CCDC85A: variants seen among roughly 807,000 people sequenced by gnomAD.
CCDC85A encodes coiled-coil domain-containing protein 85A.
In CCDC85A, 38 loss-of-function variants were observed where a neutral mutation model predicts 50.2. The observed-to-expected ratio is 0.76, with a 90% CI of 0.58 to 0.99. The LOEUF is 0.99. CCDC85A is among the 50% of genes least tolerant of loss of function. CCDC85A has a pLI of 0.00. For missense variants in CCDC85A, 820 were observed against 742.0 expected (o/e 1.11, Z -1.22); for synonymous variants, 366 against 301.4 (o/e 1.21, Z -2.22).
intron 2 of CCDC85A, among the ~76,000 whole-genome samples, chr2:56,224,150 A>G (rs1668447352): frequency 6.6e-6 from 1 of 152,138 alleles, no homozygotes; most frequent in African/African-American, 2.4e-5. Context: ...CAAAGAAACA[A>G]CTAGTCTACT....
At chr2:56,297,781 C>T (rs143450161) in intron 2 of CCDC85A, among the ~76,000 whole-genome samples, 2 of 152,254 alleles carry the variant, frequency 1.3e-5, no homozygotes, top group South Asian at 2.1e-4. Context: ...TGGTGTGGAA[C>T]TGGGTATAGG....
At position 56,184,762 on chromosome 2, in the gene CCDC85A, G is replaced by C. The variant is rs1572990251; in HGVS notation, c.138G>C (p.Gln46His). 1 of 1,545,684 alleles carries C rather than the reference G, an allele frequency of 6.5e-7. No homozygotes were observed. The highest frequency in any genetic ancestry group is 2.5e-5 in the East Asian group (1 of 40,604). The part of the protein sequence containing the change: ...LSKVSDEELL[Q>H]WSKEELIRSL... ...AAGTGTCGGACGAGGAGCTGCTGCA[G>C]TGGAGCAAGGAGGAGCTGATCCGCA... The change falls in exon 1 of 6, where the codon CAG becomes CAC. Residue 46 changes from glutamine (Q) to histidine (H), a missense_variant. Transcript: ENST00000407595.
At chr2:56,198,484 G>GA (rs1676613642) in intron 2 of CCDC85A, among the ~76,000 whole-genome samples, 1 of 152,150 alleles carries the variant, frequency 6.6e-6, no homozygotes, top group African/African-American at 2.4e-5. Flanking sequence ...ACTTTGATAA[G>GA]ACATCAACTT....
intron 2 of CCDC85A, among the ~76,000 whole-genome samples, chr2:56,198,034 T>TG (rs5831403): frequency 1 from 152,337 of 152,338 alleles, 76,168 homozygotes; most frequent in Non-Finnish European, 1. Context: ...TCCCACTTTG[T>TG]GGTTTCACCC....
chr2:56,222,547 C>A (rs1206609116), intron 2 of CCDC85A, among the ~76,000 whole-genome samples: 1 of 152,054 alleles, frequency 6.6e-6, no homozygotes, highest in Non-Finnish European at 1.5e-5. Flanking sequence ...AATTTCTGGA[C>A]CTAGTCAGAG....
chr2:56,256,526 A>G (rs954559094), intron 2 of CCDC85A, among the ~76,000 whole-genome samples: 1 of 152,244 alleles, frequency 6.6e-6, no homozygotes, highest in Admixed American at 6.5e-5. Context: ...TAGCTCATGC[A>G]TAAGGAGGGA....
chr2:56,331,269 T>C (rs1297757999), intron 2 of CCDC85A, among the ~76,000 whole-genome samples: 4 of 152,124 alleles, frequency 2.6e-5, no homozygotes, highest in Non-Finnish European at 5.9e-5. Flanking sequence ...AAGAAGTTAC[T>C]TAATGGGAAT....
At chr2:56,210,135 G>A (rs1237008951) in intron 2 of CCDC85A, among the ~76,000 whole-genome samples, 1 of 152,040 alleles carries the variant, frequency 6.6e-6, no homozygotes, top group African/African-American at 2.4e-5. Flanking sequence ...CTGACTGTAT[G>A]CTCGTTGGAA....
chr2:56,271,444 G>A (rs1309247093), intron 2 of CCDC85A, among the ~76,000 whole-genome samples: 1 of 152,174 alleles, frequency 6.6e-6, no homozygotes, highest in Non-Finnish European at 1.5e-5. Context: ...CATTGTGTGT[G>A]AGCCAGAGCT....
At chr2:56,294,937 A>T (rs1357033243) in intron 2 of CCDC85A, among the ~76,000 whole-genome samples, 1 of 152,206 alleles carries the variant, frequency 6.6e-6, no homozygotes, top group Non-Finnish European at 1.5e-5. Flanking sequence ...AGTAATAATT[A>T]TGACAGTGAT....
At chr2:56,315,678 G>C (rs1326718801) in intron 2 of CCDC85A, among the ~76,000 whole-genome samples, 1 of 152,128 alleles carries the variant, frequency 6.6e-6, no homozygotes, top group Admixed American at 6.6e-5. Context: ...GATTTAGTCA[G>C]TGGGGGCTCT....
chr2:56,255,713 T>C (rs2104006045), intron 2 of CCDC85A, among the ~76,000 whole-genome samples: 1 of 152,232 alleles, frequency 6.6e-6, no homozygotes, highest in South Asian at 2.1e-4. Flanking sequence ...AAAGAAATGA[T>C]GGAATCATGT....
chr2:56,290,858 C>T (rs755126427), intron 2 of CCDC85A, among the ~76,000 whole-genome samples: 11 of 152,272 alleles, frequency 7.2e-5, no homozygotes, highest in South Asian at 4.1e-4. Context: ...TCTTTTGCCA[C>T]GAGCTTGGAA....
chr2:56,246,393 T>G (rs575624042), intron 2 of CCDC85A, among the ~76,000 whole-genome samples: 1 of 152,298 alleles, frequency 6.6e-6, no homozygotes, highest in South Asian at 2.1e-4. Context: ...GAAATCCAGT[T>G]TTTATTTGCT....
chr2:56,384,401 T>C lies in CCDC85A; in HGVS notation c.*46T>C, dbSNP rs369343859. 2.0e-6 allele frequency: 3 copies of C among 1,500,710 alleles called. No individual in the cohort carries two copies. The highest frequency in any genetic ancestry group is 2.3e-5 in the East Asian group (1 of 44,136). The allele number at this position is 1,500,710 out of a possible 1,614,324, so 93.0% of individuals were successfully genotyped here. A position where few individuals can be genotyped will look rare whatever the true frequency, so the allele number is the denominator to read the frequency against. On this transcript the variant is annotated 3_prime_UTR_variant, in exon 6 of 6. Transcript: ENST00000407595. ...GGAGATCACCACTGCCAGAAAGTGA[T>C]AGAAGACAAGAAGAAAAAGGAAAGA... is the stretch of plus-strand genomic sequence containing the variant.
rs551515972 is a variant in CCDC85A, at chr2:56,366,114, A to G, written c.1318-6230A>G. On this transcript the variant is annotated intron_variant, in intron 3 of 5. Coordinates refer to ENST00000407595, the MANE Select transcript of CCDC85A (RefSeq NM_001080433.2). ...TCCTTCGTTTTTAAGGCTGAATAGT[A>G]TTCTGTTGTATATATAGATAGCACA... is the stretch of plus-strand genomic sequence containing the variant. 2.3e-4 allele frequency among the ~76,000 whole-genome samples: 35 copies of G among 152,300 alleles called. No homozygotes were observed. In the South Asian group the frequency reaches 7.0e-3, roughly 31 times the overall value.
At chr2:56,247,264 A>T (rs915853297) in intron 2 of CCDC85A, among the ~76,000 whole-genome samples, 1 of 152,204 alleles carries the variant, frequency 6.6e-6, no homozygotes, top group African/African-American at 2.4e-5. Flanking sequence ...TGAGAAGAGT[A>T]ATAGTAACCC....
intron 2 of CCDC85A, among the ~76,000 whole-genome samples, chr2:56,287,741 C>T (rs1671510469): frequency 6.6e-6 from 1 of 152,176 alleles, no homozygotes; most frequent in Non-Finnish European, 1.5e-5. Context: ...TTTATTTTCT[C>T]ACTTTACCAT....
At chr2:56,323,451 C>T (rs1319893085) in intron 2 of CCDC85A, among the ~76,000 whole-genome samples, 2 of 151,956 alleles carry the variant, frequency 1.3e-5, no homozygotes, top group Non-Finnish European at 2.9e-5. Flanking sequence ...TGGTGCTACT[C>T]TATCATCTGC....
Sources: gnomAD v4.1 joint callset for allele counts (sites outside exome capture counted in the v4.1 genomes callset) on GRCh38, gnomAD v4.1.1 for gene constraint, MANE v1.5 for transcripts, NCBI Gene and HGNC (gene_info 2026-07-23, HGNC 2026-07-21) for gene names.